Variants in BICD2 observed in about 807,000 individuals in gnomAD.
The protein encoded by BICD2 is protein bicaudal D homolog 2.
Under a neutral mutation model 72.9 loss-of-function variants are expected in BICD2, and 25 were observed. The observed-to-expected ratio is 0.34, with a 90% CI of 0.25 to 0.48. The LOEUF (loss-of-function observed/expected upper bound fraction) is 0.48, where lower values mean the gene tolerates loss of function less well. BICD2 is among the 20% of genes least tolerant of loss of function. BICD2 has a pLI of 0.99. For missense variants in BICD2, 894 were observed against 1,175.2 expected (o/e 0.76, Z 3.50); for synonymous variants, 501 against 516.1 (o/e 0.97, Z 0.40).
intron 1 of BICD2, among the ~76,000 whole-genome samples, chr9:92,759,475 A>G (rs1854327824): frequency 6.6e-6 from 1 of 152,188 alleles, no homozygotes; most frequent in Non-Finnish European, 1.5e-5. Flanking sequence ...CCTGGCCTGC[A>G]ATGCTCTGAG....
At chr9:92,734,880 T>C (rs1853749671) in intron 1 of BICD2, among the ~76,000 whole-genome samples, 1 of 152,184 alleles carries the variant, frequency 6.6e-6, no homozygotes, top group African/African-American at 2.4e-5. Context: ...ATCCCACCCG[T>C]GCCCACAACT....
intron 1 of BICD2, among the ~76,000 whole-genome samples, chr9:92,754,068 C>T (rs1854206171): frequency 6.6e-6 from 1 of 151,560 alleles, no homozygotes; most frequent in Non-Finnish European, 1.5e-5. Context: ...TGGCGTGAAC[C>T]CGGGAGGCGG....
At chr9:92,751,911 T>C (rs902762139) in intron 1 of BICD2, among the ~76,000 whole-genome samples, 3 of 151,706 alleles carry the variant, frequency 2.0e-5, no homozygotes, top group African/African-American at 7.3e-5. Flanking sequence ...TTCAAGTAAT[T>C]CTCCTGCCTC....
intron 1 of BICD2, among the ~76,000 whole-genome samples, chr9:92,732,110 G>A (rs1385592811): frequency 6.6e-6 from 1 of 152,166 alleles, no homozygotes; most frequent in East Asian, 1.9e-4. Context: ...CACTGAGCAG[G>A]CAAAGGCGCA....
At chr9:92,746,089 T>C (rs1337221130) in intron 1 of BICD2, among the ~76,000 whole-genome samples, 2 of 152,206 alleles carry the variant, frequency 1.3e-5, no homozygotes, top group Non-Finnish European at 2.9e-5. Context: ...TTTATGGAGA[T>C]CATTTCCCTC....
chr9:92,760,167 T>C (rs1380275720), intron 1 of BICD2, among the ~76,000 whole-genome samples: 1 of 152,108 alleles, frequency 6.6e-6, no homozygotes, highest in East Asian at 1.9e-4. Flanking sequence ...ACAGACATCA[T>C]ATACAGTCGG....
At chr9:92,749,067 C>T (rs1564071015) in intron 1 of BICD2, among the ~76,000 whole-genome samples, 2 of 152,072 alleles carry the variant, frequency 1.3e-5, no homozygotes, top group East Asian at 3.9e-4. Flanking sequence ...GGCAGGTAGA[C>T]AGGGAGGAGG....
At chr9:92,724,017 C>G (rs1853516484) in intron 2 of BICD2, among the ~76,000 whole-genome samples, 1 of 152,202 alleles carries the variant, frequency 6.6e-6, no homozygotes, top group Non-Finnish European at 1.5e-5. Context: ...TTGCCAATGT[C>G]CCCCAGGGGC....
rs747277375 is a variant in BICD2, at chr9:92,719,552, T to C, written c.1093A>G (p.Thr365Ala). ...MEREKAGLLA[T>A]LQDTQKQLEH... ...AGCTGCTTCTGTGTGTCCTGCAGCG[T>C]TGCCAGCAGGCCCGCCTTTTCCCGC... Residue 365 changes from threonine (T) to alanine (A), a missense_variant, in exon 5 of 7, where the codon ACG becomes GCG. Transcript: ENST00000356884. 7 of 1,607,822 alleles carry C rather than the reference T, an allele frequency of 4.4e-6. No individual in the cohort carries two copies. Among genetic ancestry groups the C allele is most frequent in the South Asian group, 2.2e-5 (2 of 90,614 alleles).
At chr9:92,728,963 T>A (rs750431101) in intron 2 of BICD2, 61 bp downstream of exon 2, 8 of 1,564,044 alleles carry the variant, frequency 5.1e-6, no homozygotes, top group Non-Finnish European at 7.0e-6. Flanking sequence ...CAGGCACACC[T>A]GCTATGTGAC....
At chr9:92,730,176 C>G (rs1853652890) in intron 1 of BICD2, among the ~76,000 whole-genome samples, 1 of 152,166 alleles carries the variant, frequency 6.6e-6, no homozygotes, top group South Asian at 2.1e-4. Flanking sequence ...TGTGTCACCC[C>G]CAGCAGCCCG....
chr9:92,738,571 G>A (rs1212313707), intron 1 of BICD2, among the ~76,000 whole-genome samples: 1 of 152,226 alleles, frequency 6.6e-6, no homozygotes, highest in Non-Finnish European at 1.5e-5. Context: ...CTGGCCATCA[G>A]CCCTAGCTAG....
At chr9:92,738,533 G>T (rs1853834071) in intron 1 of BICD2, among the ~76,000 whole-genome samples, 1 of 152,216 alleles carries the variant, frequency 6.6e-6, no homozygotes, top group Non-Finnish European at 1.5e-5. Flanking sequence ...ACTCTCAAGA[G>T]AGAATGTGGA....
chr9:92,713,649 A>C lies in BICD2; in HGVS notation c.*1505T>G. 4 of 1,463,816 alleles carry C rather than the reference A, an allele frequency of 2.7e-6. No individual in the cohort carries two copies. The highest frequency in any genetic ancestry group is 3.6e-6 in the Non-Finnish European group (4 of 1,101,400). The allele number at this position is 1,463,816 out of a possible 1,614,324, so 90.7% of individuals were successfully genotyped here. On this transcript the variant is annotated 3_prime_UTR_variant, in exon 7 of 7. Coordinates refer to ENST00000356884, the MANE Select transcript of BICD2 (RefSeq NM_001003800.2). ...AAAGTCCCTTAGGAGTATGGAGAGA[A>C]GCTATGTGCCAGGCTTGCAAGGAGA...
intron 1 of BICD2, among the ~76,000 whole-genome samples, chr9:92,743,776 A>G (rs377621560): frequency 2.6e-5 from 4 of 152,170 alleles, no homozygotes; most frequent in African/African-American, 9.7e-5. Flanking sequence ...TATCCTGAAT[A>G]TATAAAGATC....
At chr9:92,753,390 A>G (rs1452755224) in intron 1 of BICD2, among the ~76,000 whole-genome samples, 1 of 152,190 alleles carries the variant, frequency 6.6e-6, no homozygotes, top group Non-Finnish European at 1.5e-5. Context: ...AATATACCAC[A>G]CTAATGTACA....
At position 92,720,884 on chromosome 9, in the gene BICD2, G is replaced by A. The variant is rs2131502868; in HGVS notation, c.607-129C>T. On this transcript the variant is annotated intron_variant, in intron 3 of 6. Transcript: ENST00000356884. This position sits in a 1 kb window ranked among gnomAD's most constrained non-coding sequence, Gnocchi z 5.4. ...AAGCAAAAGATGAAGCGCCAGGTGA[G>A]GTGCCATCCTGGGAAGGGTGGCAGC... 2 of 993,408 alleles carry A rather than the reference G, an allele frequency of 2.0e-6. No homozygotes were observed. The highest frequency in any genetic ancestry group is 1.7e-5 in the South Asian group (1 of 58,570). The allele number at this position is 993,408 out of a possible 1,614,324, so 61.5% of individuals were successfully genotyped here.
Position 92,714,421 on chromosome 9 carries a change from C to A in BICD2, c.*733G>T, listed in dbSNP as rs1853259398. 1.0e-6 allele frequency: 1 copy of A among 985,470 alleles called. No homozygotes were observed. 61.0% of individuals were successfully genotyped at this position (985,470 alleles called of 1,614,324 possible). Reference sequence around the variant, plus strand: ...AAAAATGAAAACCTGGGGCCTTGGGCCCTGCCAATCTGTCACCTCACAGGC... The same window carrying A: ...AAAAATGAAAACCTGGGGCCTTGGGACCTGCCAATCTGTCACCTCACAGGC... On this transcript the variant is annotated 3_prime_UTR_variant, in exon 7 of 7. Transcript: ENST00000356884.
rs34489248 is a variant in BICD2 at position 92,734,513 on chromosome 9, C to CAA, written c.241-5279_241-5278dup. Among the ~76,000 whole-genome samples, 343 of 106,912 alleles carry CAA rather than the reference C, an allele frequency of 3.2e-3. 2 individuals carry two copies. The highest frequency in any genetic ancestry group is 8.5e-3 in the African/African-American group (220 of 25,966). The allele number at this position is 106,912 out of a possible 152,430, so 70.1% of individuals were successfully genotyped here. On this transcript the variant is annotated intron_variant, in intron 1 of 6. Coordinates refer to ENST00000356884, the MANE Select transcript of BICD2 (RefSeq NM_001003800.2). ...TGGGTGATAGAGCTAGACCCTGTCT[C>CAA]AAAAAAAAAAAAAAAAAAGAGAGAA... is the stretch of plus-strand genomic sequence containing the variant.
Sources: allele counts gnomAD v4.1 joint callset (sites outside exome capture counted in the v4.1 genomes callset), GRCh38; gene constraint gnomAD v4.1.1; non-coding constraint Gnocchi (gnomAD v3.1); transcripts MANE v1.5; gene names NCBI Gene and HGNC (gene_info 2026-07-23, HGNC 2026-07-21).